PTK2: variants seen among roughly 807,000 people sequenced by gnomAD.
PTK2 encodes the protein protein tyrosine kinase 2, also known as focal adhesion kinase 1.
In PTK2, 45 loss-of-function variants were observed where a neutral mutation model predicts 150.1. That is an observed-to-expected ratio of 0.30 (90% CI 0.24 to 0.38). The LOEUF (loss-of-function observed/expected upper bound fraction) is 0.38. PTK2 is among the 10% of genes least tolerant of loss of function. PTK2 has a pLI of 1.00. For missense variants in PTK2, 919 were observed against 1,307.3 expected, an observed-to-expected ratio of 0.70 and a Z score of 4.58; for synonymous variants, 432 against 449.2, an observed-to-expected ratio of 0.96 and a Z score of 0.48.
At chr8:140,940,903 G>A (rs2100175503) in intron 1 of PTK2, among the ~76,000 whole-genome samples, 1 of 152,162 alleles carries the variant, frequency 6.6e-6, no homozygotes, top group South Asian at 2.1e-4. Context: ...CCAGGAGGCA[G>A]TGGTTGCAGT....
chr8:140,712,053 C>G (rs565389623), intron 23 of PTK2, among the ~76,000 whole-genome samples: 4 of 151,888 alleles, frequency 2.6e-5, no homozygotes, highest in African/African-American at 4.8e-5. Flanking sequence ...TTTCAGGACC[C>G]CTTTACAGTC....
At chr8:140,886,169 G>A (rs1188654804) in intron 3 of PTK2, among the ~76,000 whole-genome samples, 2 of 152,182 alleles carry the variant, frequency 1.3e-5, no homozygotes, top group Admixed American at 1.3e-4. Context: ...AATAAAAGAC[G>A]ATTGCAAATG....
At chr8:140,688,406 A>G (rs1022527780) in intron 26 of PTK2, among the ~76,000 whole-genome samples, 4 of 152,180 alleles carry the variant, frequency 2.6e-5, no homozygotes, top group African/African-American at 9.7e-5. Flanking sequence ...ATATAGATGA[A>G]AAATGACCTA....
At chr8:140,902,921 G>GTTGTTTTTTGTT in intron 2 of PTK2, among the ~76,000 whole-genome samples, 1 of 66,784 alleles carries the variant, frequency 1.5e-5, no homozygotes, top group Non-Finnish European at 2.5e-5. Context: ...TCTGATGAGA[G>GTTGTTTTTTGTT]TTGTTTTTTT....
chr8:140,746,081 G>A (rs1211682924), intron 18 of PTK2, among the ~76,000 whole-genome samples: 1 of 151,988 alleles, frequency 6.6e-6, no homozygotes. Context: ...CAGGTAATCA[G>A]AACACTTTGC....
At chr8:140,720,200 G>A (rs1452176339) in intron 22 of PTK2, among the ~76,000 whole-genome samples, 2 of 151,966 alleles carry the variant, frequency 1.3e-5, no homozygotes, top group Non-Finnish European at 2.9e-5. Flanking sequence ...CATTTCTTAT[G>A]TGAAAATAAA....
intron 1 of PTK2, among the ~76,000 whole-genome samples, chr8:140,944,881 C>T (rs1293495092): frequency 1.3e-5 from 2 of 152,194 alleles, no homozygotes; most frequent in South Asian, 4.1e-4. Context: ...CTGAGCAATG[C>T]TTCTTTTAGA....
At chr8:140,955,296 GCAAATAAGTCTCA>G (rs2100180853) in intron 1 of PTK2, among the ~76,000 whole-genome samples, 2 of 152,130 alleles carry the variant, frequency 1.3e-5, no homozygotes, top group Admixed American at 1.3e-4. Flanking sequence ...TCTCATGATA[GCAAATAAGTCTCA>G]CAAGATCTGA....
intron 2 of PTK2, among the ~76,000 whole-genome samples, chr8:140,902,052 G>C (rs1222670326): frequency 7.7e-6 from 1 of 129,578 alleles, no homozygotes; most frequent in Non-Finnish European, 1.6e-5. Flanking sequence ...TTTTTTTTTG[G>C]AGATGGAGTC....
intron 10 of PTK2, among the ~76,000 whole-genome samples, chr8:140,804,303 T>TA (rs2100097036): frequency 6.6e-6 from 1 of 151,356 alleles, no homozygotes; most frequent in Non-Finnish European, 1.5e-5. Flanking sequence ...GAAAAAAAGA[T>TA]AGAGTTGGGA....
chr8:140,773,888 C>T (rs185963355), intron 14 of PTK2, among the ~76,000 whole-genome samples: 35 of 152,208 alleles, frequency 2.3e-4, no homozygotes, highest in Middle Eastern at 6.8e-3. Flanking sequence ...GCTCCGGGCC[C>T]GGGTGCAGGA....
intron 1 of PTK2, among the ~76,000 whole-genome samples, chr8:140,963,309 G>T (rs756644157): frequency 2.0e-5 from 3 of 152,022 alleles, no homozygotes; most frequent in Non-Finnish European, 2.9e-5. Flanking sequence ...CACATTTCCG[G>T]AAGTTCAGAT....
intron 1 of PTK2, among the ~76,000 whole-genome samples, chr8:140,931,999 G>A (rs972695911): frequency 2.7e-5 from 4 of 148,984 alleles, no homozygotes; most frequent in African/African-American, 9.9e-5. Flanking sequence ...GGGTTTTGGT[G>A]ACTCTTTAGA....
At chr8:140,698,229 C>G (rs1395913349) in intron 26 of PTK2, among the ~76,000 whole-genome samples, 1 of 152,082 alleles carries the variant, frequency 6.6e-6, no homozygotes, top group South Asian at 2.1e-4. Context: ...TGGTAGCAAA[C>G]CCTTTGTCCA....
At chr8:140,877,929 T>A (rs958200511) in intron 4 of PTK2, among the ~76,000 whole-genome samples, 2 of 152,142 alleles carry the variant, frequency 1.3e-5, no homozygotes, top group Non-Finnish European at 2.9e-5. Flanking sequence ...AAAGTCTGCA[T>A]CTGACATGTC....
Position 140,681,580 on chromosome 8 carries a change from A to G in PTK2, c.2562+5052T>C, listed in dbSNP as rs201578629. On this transcript the variant is annotated intron_variant, in intron 27 of 31. Coordinates refer to ENST00000522684, the Ensembl canonical transcript of PTK2. The stretch of plus-strand genomic sequence containing the variant: ...ATCACGAAGTCAGGAGATCGAGACC[A>G]TCCCGGCTAACACAGTGAAACACCG... 2.2e-4 allele frequency among the ~76,000 whole-genome samples: 33 copies of G among 152,094 alleles called. No individual in the cohort carries two copies. In the East Asian group the frequency reaches 5.6e-3, roughly 26 times the overall value.
intron 5 of PTK2, among the ~76,000 whole-genome samples, chr8:140,853,359 G>A (rs2100130554): frequency 1.0e-5 from 1 of 97,182 alleles, no homozygotes; most frequent in African/African-American, 4.4e-5. Context: ...CCCCACGACA[G>A]GCCCCAGTGT....
intron 17 of PTK2, among the ~76,000 whole-genome samples, chr8:140,748,430 C>T (rs752434278): frequency 6.7e-6 from 1 of 148,438 alleles, no homozygotes; most frequent in Non-Finnish European, 1.5e-5. Context: ...GAGGCAGATG[C>T]TGCAGTGAGC....
At chr8:140,987,345 T>C (rs1276035313) in intron 1 of PTK2, among the ~76,000 whole-genome samples, 4 of 152,144 alleles carry the variant, frequency 2.6e-5, no homozygotes, top group African/African-American at 9.7e-5. Flanking sequence ...CATGCCCAGC[T>C]AATTTTTGTA....
Sources: gnomAD v4.1 joint callset for allele counts (sites outside exome capture counted in the v4.1 genomes callset) on GRCh38, gnomAD v4.1.1 for gene constraint, MANE v1.5 for transcripts, NCBI Gene and HGNC (gene_info 2026-07-23, HGNC 2026-07-21) for gene names.